ZEB2: variants seen among roughly 807,000 people sequenced by gnomAD.
The protein encoded by ZEB2 is zinc finger E-box binding homeobox 2, also known as zinc finger E-box-binding homeobox 2.
A neutral mutation model predicts 99.9 loss-of-function variants in ZEB2; 6 were observed. The ratio of observed to expected loss-of-function variants is 0.06; its 90% confidence interval spans 0.03 to 0.12. ZEB2 has a LOEUF of 0.12. ZEB2 is among the 10% of genes least tolerant of loss of function. The pLI is 1.00. For synonymous variants in ZEB2, 517 were observed against 542.5 expected (o/e 0.95, Z 0.65); for missense variants, 969 against 1,502.8 (o/e 0.64, Z 5.87).
chr2:144,486,291 T>G lies in ZEB2; in HGVS notation c.73+30987A>C, dbSNP rs1478345270. 2.6e-5 allele frequency among the ~76,000 whole-genome samples: 4 copies of G among 152,152 alleles called. 1 individual carries two copies. In the South Asian group the frequency reaches 8.3e-4, roughly 31 times the overall value. On this transcript the variant is annotated intron_variant, in intron 2 of 9. Coordinates refer to ENST00000627532, the MANE Select transcript of ZEB2 (RefSeq NM_014795.4). Reference sequence around the variant, plus strand: ...CCTTGATCACAAAAATGTGTATTTCTACATTTTTTTGGTCGACCTGAAAAA... The same window carrying G: ...CCTTGATCACAAAAATGTGTATTTCGACATTTTTTTGGTCGACCTGAAAAA...
At chr2:144,410,019 C>T (rs1206218729) in intron 4 of ZEB2, among the ~76,000 whole-genome samples, 2 of 151,012 alleles carry the variant, frequency 1.3e-5, no homozygotes, top group African/African-American at 4.9e-5. Flanking sequence ...TCACACTATT[C>T]TCCTGCCTCG....
intron 4 of ZEB2, among the ~76,000 whole-genome samples, chr2:144,413,035 A>C (rs919297123): frequency 1.3e-5 from 2 of 152,260 alleles, no homozygotes; most frequent in African/African-American, 2.4e-5. Context: ...CCTCATCTGT[A>C]AAATGAGCCA....
intron 4 of ZEB2, among the ~76,000 whole-genome samples, chr2:144,406,132 A>C (rs576363887): frequency 1.3e-5 from 2 of 152,144 alleles, no homozygotes; most frequent in Non-Finnish European, 2.9e-5. Context: ...CTCTTTGGCA[A>C]CTGTGGCAGG....
intron 2 of ZEB2, among the ~76,000 whole-genome samples, chr2:144,456,746 G>A (rs1054795424): frequency 6.6e-6 from 1 of 152,030 alleles, no homozygotes; most frequent in Non-Finnish European, 1.5e-5. Context: ...CCGTACAGTG[G>A]CCAGGGCTTA....
chr2:144,396,100 G>A (rs568201397), intron 9 of ZEB2, among the ~76,000 whole-genome samples: 1 of 152,188 alleles, frequency 6.6e-6, no homozygotes, highest in South Asian at 2.1e-4. Context: ...AGAATTTGAA[G>A]GTATTTTCAA....
chr2:144,396,365 T>A, intron 9 of ZEB2, 47 bp downstream of exon 9: 1 of 1,602,664 alleles, frequency 6.2e-7, no homozygotes, highest in South Asian at 1.1e-5. Flanking sequence ...TTATGAAATG[T>A]ACAGCAGGAC....
chr2:144,417,935 C>T (rs1200835587), intron 4 of ZEB2, among the ~76,000 whole-genome samples: 1 of 152,076 alleles, frequency 6.6e-6, no homozygotes, highest in Non-Finnish European at 1.5e-5. Context: ...TCATGTTGCA[C>T]CTCACGAATA....
chr2:144,517,768 G>A (rs1705186527), intron 1 of ZEB2: 1 of 686,846 alleles, frequency 1.5e-6, no homozygotes, highest in South Asian at 1.5e-5. Context: ...AAAGTCCTCA[G>A]CCCCCGGCTC....
intron 7 of ZEB2, 62 bp downstream of exon 7, chr2:144,401,137 C>G: frequency 1.4e-6 from 2 of 1,456,660 alleles, no homozygotes; most frequent in Non-Finnish European, 1.9e-6. Context: ...TTTAAACAAT[C>G]TTTTAAAACT....
chr2:144,457,511 A>T (rs958925839), intron 2 of ZEB2, among the ~76,000 whole-genome samples: 1 of 152,160 alleles, frequency 6.6e-6, no homozygotes, highest in African/African-American at 2.4e-5. Context: ...AATCTTGTTC[A>T]TCTGGTTTAG....
At chr2:144,456,611 A>C (rs1704125309) in intron 2 of ZEB2, among the ~76,000 whole-genome samples, 1 of 152,146 alleles carries the variant, frequency 6.6e-6, no homozygotes, top group Non-Finnish European at 1.5e-5. Context: ...GTAAAATACA[A>C]TAATTGATGC....
At chr2:144,469,373 C>G (rs994642166) in intron 2 of ZEB2, among the ~76,000 whole-genome samples, 1 of 152,122 alleles carries the variant, frequency 6.6e-6, no homozygotes, top group African/African-American at 2.4e-5. Context: ...GTAGAGCACG[C>G]AAAGATGTAT....
intron 2 of ZEB2, among the ~76,000 whole-genome samples, chr2:144,479,897 C>T (rs1038704164): frequency 2.0e-5 from 3 of 152,078 alleles, no homozygotes; most frequent in Non-Finnish European, 4.4e-5. Context: ...TTGCCCAAGA[C>T]GATGCACAAG....
chr2:144,484,081 T>A (rs1056224945), intron 2 of ZEB2, among the ~76,000 whole-genome samples: 1 of 152,184 alleles, frequency 6.6e-6, no homozygotes, highest in Admixed American at 6.5e-5. Flanking sequence ...TGATTGATTT[T>A]TCTTACGGAA....
At chr2:144,415,027 A>G (rs1703521750) in intron 4 of ZEB2, among the ~76,000 whole-genome samples, 1 of 148,056 alleles carries the variant, frequency 6.8e-6, no homozygotes, top group Non-Finnish European at 1.5e-5. Context: ...AAATGTCCCC[A>G]TTCCTCTGAA....
intron 3 of ZEB2, chr2:144,426,523 A>G (rs1240071034): frequency 6.6e-6 from 1 of 151,022 alleles, no homozygotes; most frequent in Admixed American, 6.6e-5. Flanking sequence ...TTTTTGCATA[A>G]TAGTGGTAAT....
chr2:144,408,442 G>A (rs961842457), intron 4 of ZEB2, among the ~76,000 whole-genome samples: 1 of 152,150 alleles, frequency 6.6e-6, no homozygotes, highest in Non-Finnish European at 1.5e-5. Context: ...GCTCAGATAA[G>A]TATTCAAAAA....
intron 4 of ZEB2, among the ~76,000 whole-genome samples, chr2:144,416,402 A>G (rs1703540976): frequency 6.6e-6 from 1 of 152,166 alleles, no homozygotes; most frequent in Admixed American, 6.5e-5. Flanking sequence ...TCAAAATGGG[A>G]TATTCCTTCC....
chr2:144,392,612 T>C (rs1424883484), intron 9 of ZEB2, among the ~76,000 whole-genome samples: 2 of 152,240 alleles, frequency 1.3e-5, no homozygotes, highest in Non-Finnish European at 2.9e-5. Context: ...TTTTGACATA[T>C]ACCTTACACT....
Sources: allele counts gnomAD v4.1 joint callset (sites outside exome capture counted in the v4.1 genomes callset), GRCh38; gene constraint gnomAD v4.1.1; transcripts MANE v1.5; gene names NCBI Gene and HGNC (gene_info 2026-07-23, HGNC 2026-07-21).